The following STK32B variants were observed in gnomAD, a reference collection of about 807,000 sequenced individuals.
STK32B encodes serine/threonine-protein kinase 32B.
STK32B carries 43 observed loss-of-function variants against 52.6 expected under a neutral mutation model. The observed-to-expected ratio is 0.82, with a 90% CI of 0.64 to 1.05. The LOEUF (loss-of-function observed/expected upper bound fraction) is 1.05, where lower values mean the gene tolerates loss of function less well. Among genes scored for constraint, STK32B ranks in the 50% least tolerant of loss-of-function variants. STK32B has a pLI of 0.00. For missense variants in STK32B, 621 were observed against 534.6 expected, an observed-to-expected ratio of 1.16 and a Z score of -1.59; for synonymous variants, 238 against 204.3, an observed-to-expected ratio of 1.17 and a Z score of -1.41.
intron 1 of STK32B, among the ~76,000 whole-genome samples, chr4:5,134,074 C>A (rs1715926770): frequency 6.6e-6 from 1 of 152,150 alleles, no homozygotes; most frequent in African/African-American, 2.4e-5. Flanking sequence ...ATGACCCATA[C>A]CTCAGATGCT....
intron 4 of STK32B, among the ~76,000 whole-genome samples, chr4:5,333,421 G>C (rs1290599185): frequency 6.6e-6 from 1 of 152,124 alleles, no homozygotes; most frequent in Non-Finnish European, 1.5e-5. Flanking sequence ...CTCCCATTTT[G>C]TAGGTTGCCT....
At chr4:5,135,838 A>G (rs1187290081) in intron 1 of STK32B, among the ~76,000 whole-genome samples, 2 of 152,134 alleles carry the variant, frequency 1.3e-5, no homozygotes, top group East Asian at 1.9e-4. Flanking sequence ...TCTCCATCTC[A>G]TTGATTAGAT....
At chr4:5,349,664 A>T (rs900916596) in intron 4 of STK32B, among the ~76,000 whole-genome samples, 7 of 152,162 alleles carry the variant, frequency 4.6e-5, no homozygotes, top group African/African-American at 9.7e-5. Context: ...ATTGAATCCT[A>T]AAAAAAGAAT....
chr4:5,317,959 A>G (rs1009313177), intron 3 of STK32B, among the ~76,000 whole-genome samples: 1 of 152,162 alleles, frequency 6.6e-6, no homozygotes, highest in Non-Finnish European at 1.5e-5. Context: ...TCCCAGGCCT[A>G]CCAAGTCAGA....
chr4:5,206,704 C>A (rs1377279139), intron 3 of STK32B, among the ~76,000 whole-genome samples: 1 of 152,102 alleles, frequency 6.6e-6, no homozygotes, highest in East Asian at 1.9e-4. Context: ...TTTCCATAAA[C>A]CCAGATCTGT....
chr4:5,496,571 A>G (rs1466223001), intron 11 of STK32B, among the ~76,000 whole-genome samples: 2 of 135,498 alleles, frequency 1.5e-5, no homozygotes, highest in Non-Finnish European at 3.0e-5. Flanking sequence ...TCCTGTGCCC[A>G]CTGTCTGGCA....
intron 3 of STK32B, among the ~76,000 whole-genome samples, chr4:5,250,925 C>T (rs1400942694): frequency 6.6e-6 from 1 of 151,964 alleles, no homozygotes; most frequent in East Asian, 1.9e-4. Flanking sequence ...TTTTTGTTTG[C>T]TAATTTAAGT....
intron 7 of STK32B, among the ~76,000 whole-genome samples, chr4:5,454,058 C>T (rs1716273172): frequency 6.6e-6 from 1 of 152,186 alleles, no homozygotes; most frequent in South Asian, 2.1e-4. Context: ...CTCCCCAGCA[C>T]TCATTCCACC....
intron 1 of STK32B, among the ~76,000 whole-genome samples, chr4:5,134,645 C>G (rs944810212): frequency 7.9e-5 from 12 of 152,224 alleles, no homozygotes; most frequent in Admixed American, 2.0e-4. Context: ...GTAACTTATT[C>G]AAAACAATTT....
chr4:5,212,875 G>A (rs373745876), intron 3 of STK32B, among the ~76,000 whole-genome samples: 79 of 152,226 alleles, frequency 5.2e-4, no homozygotes, highest in African/African-American at 1.9e-3. Flanking sequence ...CCCTGGCGGA[G>A]ATAAATCAAT....
intron 11 of STK32B, among the ~76,000 whole-genome samples, chr4:5,495,019 C>T (rs1720094458): frequency 1.3e-5 from 2 of 152,118 alleles, no homozygotes; most frequent in East Asian, 1.9e-4. Context: ...TTTTTTCCTT[C>T]ATTTCAACTT....
At chr4:5,438,816 T>C (rs900880329) in intron 6 of STK32B, among the ~76,000 whole-genome samples, 9 of 152,180 alleles carry the variant, frequency 5.9e-5, no homozygotes, top group Non-Finnish European at 1.3e-4. Flanking sequence ...TGTGATCTCA[T>C]TGTTCAATTC....
chr4:5,388,124 A>T (rs1736374808), intron 4 of STK32B, among the ~76,000 whole-genome samples: 1 of 152,226 alleles, frequency 6.6e-6, no homozygotes, highest in Non-Finnish European at 1.5e-5. Context: ...CATCAAAAAG[A>T]AGATAATGCT....
chr4:5,157,795 A>C (rs1176320032), intron 2 of STK32B, among the ~76,000 whole-genome samples: 1 of 152,156 alleles, frequency 6.6e-6, no homozygotes, highest in African/African-American at 2.4e-5. Flanking sequence ...CCGAGTTGGA[A>C]TTCTGGCCCA....
chr4:5,468,270 G>A (rs193202842), intron 11 of STK32B, among the ~76,000 whole-genome samples, 200 bp downstream of exon 11: 14 of 152,342 alleles, frequency 9.2e-5, no homozygotes, highest in African/African-American at 3.1e-4. Flanking sequence ...TGCCTCTGCT[G>A]TGTGGCCTGA....
chr4:5,481,978 G>C (rs186989226), intron 11 of STK32B, among the ~76,000 whole-genome samples: 1 of 152,108 alleles, frequency 6.6e-6, no homozygotes, highest in Non-Finnish European at 1.5e-5. Context: ...TGCTGTTTTG[G>C]TTACTGTAGT....
Position 5,327,498 on chromosome 4 carries a change from A to C in STK32B, c.261-3722A>C, listed in dbSNP as rs191286278. Among the ~76,000 whole-genome samples the C allele has an allele frequency of 1.1e-3, 161 of 152,148 alleles. 1 individual carries two copies. The Middle Eastern group carries it at 0.017, about 16-fold the overall frequency. On this transcript the variant is annotated intron_variant, in intron 3 of 11. Coordinates refer to ENST00000282908, the MANE Select transcript of STK32B (RefSeq NM_018401.3). ...GATGTTGTTTTATCATGAAAACAAC[A>C]TTAATCTTGTACATCTCCATCTGAG...
chr4:5,119,259 C>G (rs1230912930), intron 1 of STK32B, among the ~76,000 whole-genome samples: 6 of 152,218 alleles, frequency 3.9e-5, no homozygotes, highest in African/African-American at 1.4e-4. Context: ...CCAGCACTTT[C>G]TGTGCCTTGT....
Position 5,459,994 on chromosome 4 carries a change from G to A in STK32B, c.784-109G>A, listed in dbSNP as rs182402492. The A allele has an allele frequency of 2.7e-6, 4 of 1,500,376 alleles. No individual in the cohort carries two copies. The South Asian group carries it at 4.7e-5, about 18-fold the overall frequency. The allele number at this position is 1,500,376 out of a possible 1,614,324, so 92.9% of individuals were successfully genotyped here. A position where few individuals can be genotyped will look rare whatever the true frequency, so the allele number is the denominator to read the frequency against. ...CCAGACGGGGCACAACATCAATAGA[G>A]CGTGAAGAGCAGAGGCACATTAATT... On this transcript the variant is annotated intron_variant, in intron 8 of 11. Coordinates refer to ENST00000282908, the MANE Select transcript of STK32B (RefSeq NM_018401.3).
Sources: allele counts gnomAD v4.1 joint callset (sites outside exome capture counted in the v4.1 genomes callset), GRCh38; gene constraint gnomAD v4.1.1; transcripts MANE v1.5; gene names NCBI Gene and HGNC (gene_info 2026-07-23, HGNC 2026-07-21).